IGSF10: variants seen among roughly 807,000 people sequenced by gnomAD.
IGSF10 encodes the protein immunoglobulin superfamily member 10.
Under a neutral mutation model 128.2 loss-of-function variants are expected in IGSF10, and 126 were observed. That is an observed-to-expected ratio of 0.98 (90% CI 0.85 to 1.14). IGSF10 has a LOEUF of 1.14. Among genes scored for constraint, IGSF10 ranks in the 50% most tolerant of loss-of-function variants. IGSF10 has a pLI of 0.00. For synonymous variants in IGSF10, 1,185 were observed against 1,146.2 expected, an observed-to-expected ratio of 1.03 and a Z score of -0.68; for missense variants, 3,295 against 3,149.8, an observed-to-expected ratio of 1.05 and a Z score of -1.10.
chr3:151,504,639 G>A, the IGSF10 span, among the ~76,000 whole-genome samples: 2,286 of 152,138 alleles, frequency 0.015, 19 homozygotes, highest in Middle Eastern at 0.027. Flanking sequence ...TTAAACAAAG[G>A]TTAGCCTAAA....
the IGSF10 span, among the ~76,000 whole-genome samples, chr3:151,510,148 T>C: frequency 6.6e-6 from 1 of 152,220 alleles, no homozygotes; most frequent in South Asian, 2.1e-4. Flanking sequence ...AGCATGCAGC[T>C]GGAGATCTGA....
the IGSF10 span, among the ~76,000 whole-genome samples, chr3:151,498,274 T>C: frequency 2.0e-5 from 3 of 152,214 alleles, no homozygotes; most frequent in Non-Finnish European, 2.9e-5. Flanking sequence ...CTTCCAGTTT[T>C]TACCCATTCA....
At chr3:151,476,017 T>A in the IGSF10 span, 2 of 152,370 alleles carry the variant, frequency 1.3e-5, no homozygotes, top group African/African-American at 2.4e-5. Context: ...ATTATAGTCA[T>A]CTGGTGGAGA....
At chr3:151,439,378 C>T (rs1222865864) in intron 7 of IGSF10, among the ~76,000 whole-genome samples, 1 of 152,144 alleles carries the variant, frequency 6.6e-6, no homozygotes, top group Non-Finnish European at 1.5e-5. Flanking sequence ...TTTGGGAGGC[C>T]AATGTGGGCA....
chr3:151,533,581 T>C, the IGSF10 span, among the ~76,000 whole-genome samples: 12 of 152,196 alleles, frequency 7.9e-5, no homozygotes, highest in Non-Finnish European at 1.6e-4. Flanking sequence ...TAAATGGTGT[T>C]GGGAAAACTG....
chr3:151,505,588 A>ATC, the IGSF10 span, among the ~76,000 whole-genome samples: 225 of 152,294 alleles, frequency 1.5e-3, 3 homozygotes, highest in Non-Finnish European at 1.4e-3. Context: ...ATGTATAGGT[A>ATC]TTAGGCCCTG....
At chr3:151,500,832 G>A in the IGSF10 span, among the ~76,000 whole-genome samples, 1 of 152,118 alleles carries the variant, frequency 6.6e-6, no homozygotes, top group Non-Finnish European at 1.5e-5. Flanking sequence ...GAACAACTAA[G>A]AGATCATAGC....
chr3:151,489,143 C>T, the IGSF10 span, among the ~76,000 whole-genome samples: 43,725 of 151,968 alleles, frequency 0.29, 6,924 homozygotes, highest in Middle Eastern at 0.38. Context: ...AAACAAACAA[C>T]CTCATCAAAA....
At chr3:151,594,622 CTT>C in the IGSF10 span, among the ~76,000 whole-genome samples, 16 of 135,456 alleles carry the variant, frequency 1.2e-4, no homozygotes, top group African/African-American at 3.2e-4. Context: ...GCGCCCGGCC[CTT>C]TTTTTTTTTT....
At chr3:151,517,492 G>T in the IGSF10 span, among the ~76,000 whole-genome samples, 1 of 151,936 alleles carries the variant, frequency 6.6e-6, no homozygotes, top group African/African-American at 2.4e-5. Flanking sequence ...ATCTTTGCAT[G>T]CAGTCATCTT....
the IGSF10 span, among the ~76,000 whole-genome samples, chr3:151,496,855 T>G: frequency 6.6e-6 from 1 of 152,074 alleles, no homozygotes. Context: ...TTCCTGACTT[T>G]TTAATGATTG....
chr3:151,474,930 A>G, the IGSF10 span, among the ~76,000 whole-genome samples: 2 of 152,196 alleles, frequency 1.3e-5, no homozygotes, highest in African/African-American at 2.4e-5. Flanking sequence ...CCATGATTCA[A>G]TTACCTCCCA....
At chr3:151,567,091 G>A in the IGSF10 span, among the ~76,000 whole-genome samples, 3 of 152,174 alleles carry the variant, frequency 2.0e-5, no homozygotes, top group East Asian at 5.8e-4. Context: ...TGAAGTAAAT[G>A]GGTCTGTAGA....
chr3:151,446,160 G>C lies in IGSF10; in HGVS notation c.3821C>G (p.Thr1274Arg), dbSNP rs185781794. 1 of 1,614,112 alleles carries C rather than the reference G, an allele frequency of 6.2e-7. No individual in the cohort carries two copies. The highest frequency in any genetic ancestry group is 1.1e-5 in the South Asian group (1 of 91,062). ...SNTLTTAHHT[T>R]TKTHNPGSLP... ...ACTTCCAGGATTGTGTGTTTTGGTC[G>C]TAGTGTGGTGAGCGGTAGTCAAGGT... The change falls in exon 6 of 8, where the codon ACG (threonine) becomes AGG (arginine). Residue 1274 changes from threonine (T) to arginine (R), a missense_variant. Physicochemically the swap from Thr to Arg is moderately conservative, Grantham distance 71. Coordinates refer to ENST00000282466, the MANE Select transcript of IGSF10 (RefSeq NM_178822.5).
At chr3:151,473,983 G>A in the IGSF10 span, among the ~76,000 whole-genome samples, 3 of 151,988 alleles carry the variant, frequency 2.0e-5, no homozygotes, top group Non-Finnish European at 4.4e-5. Context: ...GCTCCTGGGG[G>A]CTCACTCTTG....
the IGSF10 span, among the ~76,000 whole-genome samples, chr3:151,537,689 C>T: frequency 6.6e-6 from 1 of 152,174 alleles, no homozygotes; most frequent in African/African-American, 2.4e-5. Flanking sequence ...TTAGTCATCA[C>T]TGTTTCCTCT....
At chr3:151,486,968 A>G in the IGSF10 span, among the ~76,000 whole-genome samples, 1 of 152,162 alleles carries the variant, frequency 6.6e-6, no homozygotes, top group Non-Finnish European at 1.5e-5. Flanking sequence ...AGCAGAAGAC[A>G]AGAAATAACT....
At chr3:151,509,611 G>C in the IGSF10 span, among the ~76,000 whole-genome samples, 1 of 152,240 alleles carries the variant, frequency 6.6e-6, no homozygotes, top group South Asian at 2.1e-4. Flanking sequence ...TCTCACTGGG[G>C]AGTGCCGGAC....
At chr3:151,542,354 A>G in the IGSF10 span, among the ~76,000 whole-genome samples, 6 of 152,150 alleles carry the variant, frequency 3.9e-5, no homozygotes, top group South Asian at 2.1e-4. Context: ...TTACTTTAAC[A>G]TAAGTAGAAT....
Sources: allele counts gnomAD v4.1 joint callset (sites outside exome capture counted in the v4.1 genomes callset), GRCh38; gene constraint gnomAD v4.1.1; transcripts MANE v1.5; gene names NCBI Gene and HGNC (gene_info 2026-07-23, HGNC 2026-07-21).